The following YBX1 variants were observed in gnomAD, a reference collection of about 807,000 sequenced individuals.
The protein encoded by YBX1 is Y-box-binding protein 1.
In YBX1, 3 loss-of-function variants were observed where a neutral mutation model predicts 41.4. That is an observed-to-expected ratio of 0.07 (90% confidence interval 0.03 to 0.19). The LOEUF is 0.19. YBX1 is among the 10% of genes least tolerant of loss of function. The pLI is 1.00. For missense variants in YBX1, 274 were observed against 462.8 expected (o/e 0.59, Z 3.74); for synonymous variants, 133 against 165.8 (o/e 0.80, Z 1.52).
intron 2 of YBX1, among the ~76,000 whole-genome samples, chr1:42,691,458 G>A (rs1650324790): frequency 6.6e-6 from 1 of 152,150 alleles, no homozygotes; most frequent in Admixed American, 6.5e-5. Context: ...GGACTTGAAT[G>A]GAGGCCCGGC....
Position 42,683,478 on chromosome 1 carries a change from G to A in YBX1, c.230+12G>A. 1 of 1,612,822 alleles carries A rather than the reference G, an allele frequency of 6.2e-7. No individual in the cohort carries two copies. Among genetic ancestry groups the A allele is most frequent in the Non-Finnish European group, 8.5e-7 (1 of 1,180,008 alleles). ...GGTTTCATCAACAGGTGAGCTGCCGGGCTCTGAAGCCTCCATCCCACCTTC... is the reference window on the plus strand; with the variant it reads ...GGTTTCATCAACAGGTGAGCTGCCGAGCTCTGAAGCCTCCATCCCACCTTC... On this transcript the variant is annotated intron_variant, in intron 2 of 7. Coordinates refer to ENST00000321358, the MANE Select transcript of YBX1 (RefSeq NM_004559.5).
rs1650626573 is a variant in YBX1, at chr1:42,702,397, A to G, written c.*448A>G. The G allele has an allele frequency of 6.6e-6, 1 of 152,646 alleles. No individual in the cohort carries two copies. The highest frequency in any genetic ancestry group is 2.4e-5 in the African/African-American group (1 of 41,452). The allele number at this position is 152,646 out of a possible 1,614,324, so 9.5% of individuals were successfully genotyped here. A position where few individuals can be genotyped will look rare whatever the true frequency, so the allele number is the denominator to read the frequency against. ...GTTTTGCTTTAGTTTGTAAGTATTTAGCTATTTATAGGACCCTTAGCTTGA... is the reference window on the plus strand; with the variant it reads ...GTTTTGCTTTAGTTTGTAAGTATTTGGCTATTTATAGGACCCTTAGCTTGA... On this transcript the variant is annotated 3_prime_UTR_variant, in exon 8 of 8. Transcript: ENST00000321358.
At chr1:42,697,070 C>A in intron 5 of YBX1, 110 bp from the exon 6 acceptor site, 1 of 1,462,770 alleles carries the variant, frequency 6.8e-7, no homozygotes, top group South Asian at 1.4e-5. Context: ...AATGTAGTCA[C>A]AATTACTAGA....
intron 2 of YBX1, among the ~76,000 whole-genome samples, chr1:42,687,366 C>T (rs1393869520): frequency 7.5e-5 from 3 of 39,838 alleles, no homozygotes; most frequent in African/African-American, 1.2e-4. Flanking sequence ...CTCACTGCAA[C>T]TCCGCCTCCC....
At chr1:42,693,912 A>C (rs1285469924) in intron 3 of YBX1, among the ~76,000 whole-genome samples, 1 of 152,232 alleles carries the variant, frequency 6.6e-6, no homozygotes, top group Non-Finnish European at 1.5e-5. Context: ...TGTAGGGACA[A>C]ATCTCCATAA....
chr1:42,685,272 T>G (rs976180204), intron 2 of YBX1, among the ~76,000 whole-genome samples: 2 of 152,186 alleles, frequency 1.3e-5, no homozygotes, highest in African/African-American at 4.8e-5. Context: ...AATATCTCTA[T>G]TCTGAATTGG....
At chr1:42,687,700 G>A (rs2148736291) in intron 2 of YBX1, among the ~76,000 whole-genome samples, 1 of 152,116 alleles carries the variant, frequency 6.6e-6, no homozygotes, top group Non-Finnish European at 1.5e-5. Flanking sequence ...TGCACTCCTG[G>A]GCTCAAGTGA....
In YBX1 at chr1:42,703,771, C is replaced by CA. The variant is rs1394059214; in HGVS notation, c.*1823dup. Among the ~76,000 whole-genome samples, 6 of 152,148 alleles carry CA rather than the reference C, an allele frequency of 3.9e-5. No individual in the cohort carries two copies. Among genetic ancestry groups the CA allele is most frequent in the Admixed American group, 3.9e-4 (6 of 15,278 alleles). On this transcript the variant is annotated 3_prime_UTR_variant, in exon 8 of 8. Coordinates refer to ENST00000321358, the MANE Select transcript of YBX1 (RefSeq NM_004559.5). ...AAATGAAACCATTGTAAGTTGACTG[C>CA]AGTGTTGCCAACATTAAATGCAGTT...
chr1:42,682,475 C>T lies in YBX1; in HGVS notation c.-91C>T, dbSNP rs904800236. 6.8e-6 allele frequency: 9 copies of T among 1,324,452 alleles called. No homozygotes were observed. Among genetic ancestry groups the T allele is most frequent in the Middle Eastern group, 2.9e-4 (1 of 3,446 alleles). The allele number at this position is 1,324,452 out of a possible 1,614,324, so 82.0% of individuals were successfully genotyped here. Reference sequence around the variant, plus strand: ...AGAGCGGACCCCAGAGAGCCCTGAGCAGCCCCACCGCCGCCGCCGGCCTAG... The same window carrying T: ...AGAGCGGACCCCAGAGAGCCCTGAGTAGCCCCACCGCCGCCGCCGGCCTAG... On this transcript the variant is annotated 5_prime_UTR_variant, in exon 1 of 8. Transcript: ENST00000321358.
At chr1:42,698,997 C>T (rs186518769) in intron 6 of YBX1, among the ~76,000 whole-genome samples, 67 of 152,176 alleles carry the variant, frequency 4.4e-4, no homozygotes, top group Non-Finnish European at 8.4e-4. Flanking sequence ...GAGTATAGTA[C>T]AAGTGTTGCT....
At chr1:42,692,972 A>G (rs933002664) in intron 2 of YBX1, among the ~76,000 whole-genome samples, 2 of 152,122 alleles carry the variant, frequency 1.3e-5, no homozygotes, top group African/African-American at 4.8e-5. Context: ...CTTACATTCA[A>G]ACATACCTTA....
chr1:42,703,660 G>A lies in YBX1; in HGVS notation c.*1711G>A, dbSNP rs1223160087. On this transcript the variant is annotated 3_prime_UTR_variant, in exon 8 of 8. Coordinates refer to ENST00000321358, the MANE Select transcript of YBX1 (RefSeq NM_004559.5). ...ACGCACACAGTCCCTGACTTAAACAGTGGTTTGACTTAGGGGCTTTTAGTG... is the reference window on the plus strand; with the variant it reads ...ACGCACACAGTCCCTGACTTAAACAATGGTTTGACTTAGGGGCTTTTAGTG... Among the ~76,000 whole-genome samples, 1 of 152,152 alleles carries A rather than the reference G, an allele frequency of 6.6e-6. No homozygotes were observed.
Position 42,703,632 on chromosome 1 carries a change from C to T in YBX1, c.*1683C>T, listed in dbSNP as rs1650664325. Among the ~76,000 whole-genome samples the T allele has an allele frequency of 6.6e-6, 1 of 152,254 alleles. No individual in the cohort carries two copies. Among genetic ancestry groups the T allele is most frequent in the South Asian group, 2.1e-4 (1 of 4,830 alleles). Reference sequence around the variant, plus strand: ...GCATCTAAACTGTTACTTACAACTGCAGACGCACACAGTCCCTGACTTAAA... The same window carrying T: ...GCATCTAAACTGTTACTTACAACTGTAGACGCACACAGTCCCTGACTTAAA... On this transcript the variant is annotated 3_prime_UTR_variant, in exon 8 of 8. Transcript: ENST00000321358.
intron 6 of YBX1, among the ~76,000 whole-genome samples, chr1:42,699,465 T>A (rs575569002): frequency 3.9e-5 from 6 of 152,222 alleles, no homozygotes; most frequent in African/African-American, 1.4e-4. Context: ...GGGCAGAGAG[T>A]TGGATTTATC....
intron 2 of YBX1, among the ~76,000 whole-genome samples, chr1:42,684,119 G>A (rs1028610701): frequency 1.8e-4 from 28 of 152,264 alleles, no homozygotes; most frequent in African/African-American, 6.5e-4. Flanking sequence ...AACTGGTTAA[G>A]TCGATTTCTG....
At chr1:42,690,250 T>TC (rs1216069657) in intron 2 of YBX1, among the ~76,000 whole-genome samples, 1 of 150,924 alleles carries the variant, frequency 6.6e-6, no homozygotes, top group African/African-American at 2.4e-5. Context: ...TTCTTTTCTT[T>TC]TTTTTTTTTT....
chr1:42,691,968 A>AC (rs1180270556), intron 2 of YBX1, among the ~76,000 whole-genome samples: 3 of 151,864 alleles, frequency 2.0e-5, no homozygotes, highest in East Asian at 1.9e-4. Flanking sequence ...CTCCTGCCTC[A>AC]CCCCCCAGAG....
intron 1 of YBX1, chr1:42,682,992 G>T: frequency 5.5e-6 from 1 of 181,724 alleles, no homozygotes; most frequent in South Asian, 8.5e-5. Flanking sequence ...CCGACCGCGT[G>T]TGCGACGGGG....
At chr1:42,686,980 C>A (rs1650211830) in intron 2 of YBX1, among the ~76,000 whole-genome samples, 1 of 152,150 alleles carries the variant, frequency 6.6e-6, no homozygotes, top group African/African-American at 2.4e-5. Context: ...CAGATAATTT[C>A]TTAGGGTGAT....
Sources: allele counts gnomAD v4.1 joint callset (sites outside exome capture counted in the v4.1 genomes callset), GRCh38; gene constraint gnomAD v4.1.1; transcripts MANE v1.5; gene names NCBI Gene and HGNC (gene_info 2026-07-23, HGNC 2026-07-21).